The following RBMS2 variants were observed in gnomAD, a reference collection of about 807,000 sequenced individuals.
The protein encoded by RBMS2 is RNA binding motif single stranded interacting protein 2.
Under a neutral mutation model 58.4 loss-of-function variants are expected in RBMS2, and 38 were observed. That is an observed-to-expected ratio of 0.65 (90% confidence interval 0.50 to 0.85). The LOEUF is 0.85. Ranked by LOEUF, RBMS2 falls within the 40% of genes least tolerant of loss-of-function variation. The pLI is 0.00. For synonymous variants in RBMS2, 151 were observed against 180.7 expected (o/e 0.84, Z 1.32); for missense variants, 367 against 503.7 (o/e 0.73, Z 2.60).
rs566091225 is a variant in RBMS2, at chr12:56,590,763, G to C, written c.*1630G>C. On this transcript the variant is annotated 3_prime_UTR_variant, in exon 14 of 14. Transcript: ENST00000262031. ...ACATGTACTCAGAGGGATTCAGGTG[G>C]GCATTGTTCTGGTGTGTGCTGTGCA... is the stretch of plus-strand genomic sequence containing the variant. The C allele has an allele frequency of 6.6e-6, 1 of 152,274 alleles. No individual in the cohort carries two copies. The highest frequency in any genetic ancestry group is 2.1e-4 in the South Asian group (1 of 4,824). 9.4% of individuals were successfully genotyped at this position (152,274 alleles called of 1,614,324 possible).
Position 56,569,877 on chromosome 12 carries a change from G to A in RBMS2, c.293-22G>A. On this transcript the variant is annotated intron_variant, in intron 3 of 13. Coordinates refer to ENST00000262031, the MANE Select transcript of RBMS2 (RefSeq NM_002898.4). Reference sequence around the variant, plus strand: ...TTCCTTACACCTCCCACTTCCTAGTGATGCTGTTTCCTCTGTTCCAGGCTA... The same window carrying A: ...TTCCTTACACCTCCCACTTCCTAGTAATGCTGTTTCCTCTGTTCCAGGCTA... The A allele has an allele frequency of 1.9e-6, 3 of 1,587,420 alleles. No individual in the cohort carries two copies. The South Asian group carries it at 3.3e-5, about 18-fold the overall frequency.
intron 1 of RBMS2, among the ~76,000 whole-genome samples, chr12:56,523,227 A>G (rs1872062369): frequency 6.6e-6 from 1 of 152,196 alleles, no homozygotes; most frequent in African/African-American, 2.4e-5. Flanking sequence ...TATAGGTCAG[A>G]GGATACAAAG....
At chr12:56,569,538 C>T (rs1285715127) in intron 3 of RBMS2, among the ~76,000 whole-genome samples, 1 of 152,010 alleles carries the variant, frequency 6.6e-6, no homozygotes. Context: ...GGCTGCATTC[C>T]CTACATGCCT....
At chr12:56,568,186 G>T (rs1881691399) in intron 2 of RBMS2, among the ~76,000 whole-genome samples, 1 of 152,186 alleles carries the variant, frequency 6.6e-6, no homozygotes, top group East Asian at 1.9e-4. Context: ...CAATTAAAGG[G>T]GTCAGTGGAG....
chr12:56,571,608 C>T (rs561170350), intron 4 of RBMS2, 90 bp from the exon 5 acceptor site: 3 of 1,359,408 alleles, frequency 2.2e-6, no homozygotes, highest in African/African-American at 3.0e-5. Flanking sequence ...TTCCTATAGT[C>T]TCTTTTCTGA....
At position 56,522,095 on chromosome 12, in the gene RBMS2, G is replaced by A. The variant is rs1478142758; in HGVS notation, c.66+6G>A. On this transcript the variant is annotated splice_donor_region_variant and intron_variant, in intron 1 of 13. Coordinates refer to ENST00000262031, the MANE Select transcript of RBMS2 (RefSeq NM_002898.4). ...ACAATAGAAACAACAAGAAGGTAGGGAAAAGCGCTTTTTTGGTATCTAGCT... is the reference window on the plus strand; with the variant it reads ...ACAATAGAAACAACAAGAAGGTAGGAAAAAGCGCTTTTTTGGTATCTAGCT... 12 of 1,584,782 alleles carry A rather than the reference G, an allele frequency of 7.6e-6. No homozygotes were observed. The South Asian group carries it at 1.3e-4, about 18-fold the overall frequency.
intron 9 of RBMS2, among the ~76,000 whole-genome samples, chr12:56,585,463 G>T (rs1023713631): frequency 6.6e-6 from 1 of 152,166 alleles, no homozygotes; most frequent in Admixed American, 6.6e-5. Context: ...GTATGATTGT[G>T]TGATTACACA....
At chr12:56,568,870 A>T in intron 2 of RBMS2, 105 bp from the exon 3 acceptor site, 1 of 973,086 alleles carries the variant, frequency 1.0e-6, no homozygotes, top group Non-Finnish European at 1.5e-6. Flanking sequence ...GAGTAGGAAA[A>T]GTTAGATCAT....
upstream of RBMS2, among the ~76,000 whole-genome samples, chr12:56,520,786 A>G (rs911030061): frequency 1.2e-4 from 18 of 152,090 alleles, no homozygotes; most frequent in Non-Finnish European, 2.9e-5. Flanking sequence ...TCCCAACTGT[A>G]GACTTCAATT....
rs78899819 is a variant in RBMS2 at position 56,550,790 on chromosome 12, C to T, written c.67-11627C>T. On this transcript the variant is annotated intron_variant, in intron 1 of 13. Transcript: ENST00000262031. ...CCAGGAGGCAGAATTTGCAGTGAGC[C>T]GAGATTGCGCCATCGCACCCTAGCC... Among the ~76,000 whole-genome samples the T allele has an allele frequency of 7.3e-5, 11 of 149,784 alleles. No individual in the cohort carries two copies. In the East Asian group the frequency reaches 8.0e-4, roughly 11 times the overall value.
At chr12:56,582,269 C>A in intron 9 of RBMS2, 117 bp downstream of exon 9, 2 of 853,426 alleles carry the variant, frequency 2.3e-6, no homozygotes, top group Non-Finnish European at 3.6e-6. Flanking sequence ...ATATTACACA[C>A]AATTTTACAT....
intron 1 of RBMS2, among the ~76,000 whole-genome samples, chr12:56,528,236 C>T (rs867173179): frequency 3.6e-5 from 5 of 137,050 alleles, no homozygotes; most frequent in Middle Eastern, 3.7e-3. Context: ...GGCAACTGAG[C>T]GAGACCATGT....
At position 56,588,300 on chromosome 12, in the gene RBMS2, C is replaced by T. The variant is rs1432054112; in HGVS notation, c.1069C>T (p.Pro357Ser). 1.2e-6 allele frequency: 2 copies of T among 1,613,362 alleles called. No homozygotes were observed. Among genetic ancestry groups the T allele is most frequent in the South Asian group, 1.1e-5 (1 of 91,068 alleles). ...LSLSSTGTYM[P>S]TAAAMQGAYI... is the part of the protein sequence containing the mutation. ...TTGATGTTTCTCTTTCTAGTATATG[C>T]CGACGGCTGCAGCTATGCAAGGAGC... The change falls in exon 12 of 14, where the codon CCG (proline) becomes TCG (serine). Residue 357 changes from proline (P) to serine (S), a missense_variant. Coordinates refer to ENST00000262031, the MANE Select transcript of RBMS2 (RefSeq NM_002898.4).
Position 56,594,442 on chromosome 12 carries a change from A to G in RBMS2, c.*5309A>G, listed in dbSNP as rs1885551851. The G allele has an allele frequency of 6.6e-6, 1 of 152,190 alleles. No homozygotes were observed. Among genetic ancestry groups the G allele is most frequent in the African/African-American group, 2.4e-5 (1 of 41,446 alleles). 9.4% of individuals were successfully genotyped at this position (152,190 alleles called of 1,614,324 possible). ...TCAGAGACGAGGGTGGGTGTTATAA[A>G]AGCCAGTCTGTAAAGGGTAAATTCC... On this transcript the variant is annotated 3_prime_UTR_variant, in exon 14 of 14. Transcript: ENST00000262031.
At chr12:56,522,227 C>G (rs1169652159) in intron 1 of RBMS2, 138 bp downstream of exon 1, 9 of 656,666 alleles carry the variant, frequency 1.4e-5, no homozygotes, top group Non-Finnish European at 2.3e-5. Context: ...GCGCTTCTCC[C>G]TTTTCCACTA....
At chr12:56,532,024 C>T (rs1376041392) in intron 1 of RBMS2, among the ~76,000 whole-genome samples, 1 of 151,252 alleles carries the variant, frequency 6.6e-6, no homozygotes, top group Non-Finnish European at 1.5e-5. Context: ...AGTTCGAGAC[C>T]AGTCTGGCCA....
intron 1 of RBMS2, among the ~76,000 whole-genome samples, chr12:56,543,193 T>C (rs2136309450): frequency 6.7e-6 from 1 of 148,194 alleles, no homozygotes; most frequent in South Asian, 2.4e-4. Context: ...TTTCAAACTG[T>C]CCATGAAGGC....
intron 2 of RBMS2, among the ~76,000 whole-genome samples, chr12:56,568,686 C>T (rs563892547): frequency 5.1e-4 from 78 of 151,890 alleles, no homozygotes; most frequent in Middle Eastern, 3.4e-3. Flanking sequence ...ACTGGCGTGA[C>T]GCCCAGCTAA....
intron 4 of RBMS2, among the ~76,000 whole-genome samples, chr12:56,570,366 C>G (rs1478948128): frequency 6.6e-6 from 1 of 152,150 alleles, no homozygotes; most frequent in Non-Finnish European, 1.5e-5. Flanking sequence ...CTCAGAATTT[C>G]AGAACAATGC....
Sources: gnomAD v4.1 joint callset for allele counts (sites outside exome capture counted in the v4.1 genomes callset) on GRCh38, gnomAD v4.1.1 for gene constraint, MANE v1.5 for transcripts, NCBI Gene and HGNC (gene_info 2026-07-23, HGNC 2026-07-21) for gene names.